Variants in ZNF516 observed in about 807,000 individuals in gnomAD.
ZNF516 encodes the protein zinc finger protein 516.
ZNF516 carries 19 observed loss-of-function variants against 79.7 expected under a neutral mutation model. The ratio of observed to expected loss-of-function variants is 0.24; its 90% CI spans 0.17 to 0.35. The LOEUF (loss-of-function observed/expected upper bound fraction) is 0.35, where lower values mean the gene tolerates loss of function less well. ZNF516 is among the 10% of genes least tolerant of loss of function. The probability of loss-of-function intolerance (pLI) is 1.00; values close to 1 mark genes in which losing one functional copy is unlikely to be tolerated. For missense variants in ZNF516, 1,678 were observed against 1,679.5 expected (o/e 1.00, Z 0.02); for synonymous variants, 877 against 739.5 (o/e 1.19, Z -3.02).
intron 3 of ZNF516, among the ~76,000 whole-genome samples, chr18:76,398,617 G>A (rs2075176773): frequency 6.8e-6 from 1 of 145,990 alleles, no homozygotes; most frequent in South Asian, 2.2e-4. Flanking sequence ...TGAAGGAATG[G>A]GGGCCTTTCT....
chr18:76,420,198 T>C (rs2075488660), intron 3 of ZNF516, among the ~76,000 whole-genome samples: 1 of 152,214 alleles, frequency 6.6e-6, no homozygotes, highest in African/African-American at 2.4e-5. Context: ...CTGGAGATGG[T>C]GTAAATAAGC....
At chr18:76,410,577 A>C (rs1374391980) in intron 3 of ZNF516, among the ~76,000 whole-genome samples, 3 of 152,202 alleles carry the variant, frequency 2.0e-5, no homozygotes, top group East Asian at 1.9e-4. Context: ...CTGAACTCTG[A>C]CAGGTAAAAT....
chr18:76,384,122 T>A (rs899953666), intron 3 of ZNF516, among the ~76,000 whole-genome samples: 3 of 152,104 alleles, frequency 2.0e-5, no homozygotes, highest in Non-Finnish European at 4.4e-5. Context: ...TTTCTACACT[T>A]CCCATTCTCG....
chr18:76,379,932 G>A lies in ZNF516; in HGVS notation c.2182C>T (p.Pro728Ser), dbSNP rs1311077343. Residue 728 changes from proline to serine, a missense_variant, in exon 4 of 7, where the codon CCA becomes TCA. By Grantham distance (74) the Pro-to-Ser change is moderately conservative (BLOSUM62 -1). Around this residue, in one of 5 missense-constraint regions of ZNF516, gnomAD observed 1,294 missense variants for 1,248.3 expected, o/e 1.04. Coordinates refer to ENST00000443185, the MANE Select transcript of ZNF516 (RefSeq NM_014643.4). ...HSGGGKRALAPDLMPLDLSAR... is the reference protein window; with the variant it reads ...HSGGGKRALASDLMPLDLSAR... ...CTTAAATCTAGCGGCATGAGGTCTGGGGCCAGCGCCCGCTTCCCTCCCCCA... is the reference window on the plus strand; with the variant it reads ...CTTAAATCTAGCGGCATGAGGTCTGAGGCCAGCGCCCGCTTCCCTCCCCCA... 1.9e-6 allele frequency: 3 copies of A among 1,613,868 alleles called. No individual in the cohort carries two copies. Among genetic ancestry groups the A allele is most frequent in the African/African-American group, 2.7e-5 (2 of 74,930 alleles).
chr18:76,468,005 C>T lies in ZNF516; in HGVS notation c.-271-4864G>A, dbSNP rs544514894. 5.9e-5 allele frequency among the ~76,000 whole-genome samples: 9 copies of T among 152,284 alleles called. No individual in the cohort carries two copies. In the South Asian group the frequency reaches 1.7e-3, roughly 28 times the overall value. On this transcript the variant is annotated intron_variant, in intron 1 of 6. Transcript: ENST00000443185. ...CTCCCTACGGACAGCACGCGACGGA[C>T]GGCCTTGCGGGACTCCCTGCAGCAG...
intron 2 of ZNF516, among the ~76,000 whole-genome samples, chr18:76,458,533 G>C (rs1382976578): frequency 6.6e-6 from 1 of 152,236 alleles, no homozygotes; most frequent in African/African-American, 2.4e-5. Context: ...GGTACGAAGG[G>C]AATCCCGTCC....
chr18:76,465,840 AGAT>A (rs1268910676), intron 1 of ZNF516, among the ~76,000 whole-genome samples: 1 of 152,188 alleles, frequency 6.6e-6, no homozygotes, highest in African/African-American at 2.4e-5. Flanking sequence ...ACGAAAACAG[AGAT>A]GGACCAAGGA....
chr18:76,380,838 G>A (rs769311418), intron 3 of ZNF516, among the ~76,000 whole-genome samples: 3 of 152,088 alleles, frequency 2.0e-5, no homozygotes, highest in Non-Finnish European at 4.4e-5. Context: ...CTGGGCTACC[G>A]ACCACCTTCC....
chr18:76,426,606 T>G (rs2075595905), intron 3 of ZNF516, among the ~76,000 whole-genome samples: 2 of 152,204 alleles, frequency 1.3e-5, no homozygotes, highest in Admixed American at 6.5e-5. Context: ...TGTACTAAAT[T>G]TGGCATCCCT....
chr18:76,463,479 C>T (rs1354211058), intron 1 of ZNF516, among the ~76,000 whole-genome samples: 5 of 152,258 alleles, frequency 3.3e-5, no homozygotes, highest in African/African-American at 1.2e-4. Context: ...ATCAAAATGT[C>T]ACCAGGGAAC....
In ZNF516 at chr18:76,380,114, T is replaced by C; in HGVS notation, c.2000A>G (p.His667Arg). 6.2e-7 allele frequency: 1 copy of C among 1,613,948 alleles called. No homozygotes were observed. Among genetic ancestry groups the C allele is most frequent in the Non-Finnish European group, 8.5e-7 (1 of 1,179,884 alleles). The change falls in exon 4 of 7, where the codon CAC becomes CGC. Residue 667 changes from histidine (H) to arginine (R), a missense_variant. Transcript: ENST00000443185. Reference sequence around the variant, plus strand: ...CATCTTTAAGTCCATAGAAAATCTGTGCTGCTCTTGCCTTCTAGAAGTCTC... The same window carrying C: ...CATCTTTAAGTCCATAGAAAATCTGCGCTGCTCTTGCCTTCTAGAAGTCTC... ...SRETSRRQEQHRFSMDLKMPA... is the reference protein window; with the variant it reads ...SRETSRRQEQRRFSMDLKMPA...
At chr18:76,464,073 C>T (rs776490645) in intron 1 of ZNF516, among the ~76,000 whole-genome samples, 2 of 152,162 alleles carry the variant, frequency 1.3e-5, no homozygotes, top group African/African-American at 2.4e-5. Context: ...CCTGTCATCC[C>T]GGCACTTTGG....
chr18:76,483,170 T>C (rs1478714877), intron 1 of ZNF516, among the ~76,000 whole-genome samples: 1 of 152,100 alleles, frequency 6.6e-6, no homozygotes, highest in Non-Finnish European at 1.5e-5. Context: ...GCTGCCTGCT[T>C]TGCTGGAGAA....
At chr18:76,470,752 C>T (rs1418725264) in intron 1 of ZNF516, among the ~76,000 whole-genome samples, 3 of 152,164 alleles carry the variant, frequency 2.0e-5, no homozygotes, top group Non-Finnish European at 1.5e-5. Context: ...CGGTGGCTAC[C>T]GCCTGTAATC....
chr18:76,445,716 T>C (rs1469994980), intron 2 of ZNF516, among the ~76,000 whole-genome samples: 3 of 152,226 alleles, frequency 2.0e-5, no homozygotes, highest in African/African-American at 4.8e-5. Context: ...GTCAAGACAC[T>C]TCTCCAGTTC....
At chr18:76,461,140 C>T (rs113659207) in intron 2 of ZNF516, among the ~76,000 whole-genome samples, 1,807 of 152,318 alleles carry the variant, frequency 0.012, 48 homozygotes, top group African/African-American at 0.041. Context: ...TGAGATCATG[C>T]CACTGCACTC....
chr18:76,479,261 C>T (rs1262321518), intron 1 of ZNF516, among the ~76,000 whole-genome samples: 1 of 152,196 alleles, frequency 6.6e-6, no homozygotes, highest in Non-Finnish European at 1.5e-5. Context: ...GTCGTTCCAG[C>T]TCTTGCTGCT....
intron 1 of ZNF516, among the ~76,000 whole-genome samples, chr18:76,482,864 A>G (rs532132583): frequency 6.6e-6 from 1 of 152,318 alleles, no homozygotes; most frequent in South Asian, 2.1e-4. Flanking sequence ...GAAGTCCATA[A>G]ATGACTACAC....
At chr18:76,443,470 C>T (rs1189372812) in intron 2 of ZNF516, among the ~76,000 whole-genome samples, 2 of 152,056 alleles carry the variant, frequency 1.3e-5, no homozygotes, top group African/African-American at 4.8e-5. Context: ...TTTTCTTTTC[C>T]CAATAAGGTA....
Sources: allele counts gnomAD v4.1 joint callset (sites outside exome capture counted in the v4.1 genomes callset), GRCh38; gene constraint gnomAD v4.1.1; regional missense constraint gnomAD v4.1.1; transcripts MANE v1.5; gene names NCBI Gene and HGNC (gene_info 2026-07-23, HGNC 2026-07-21).